Variants in SND1 observed in about 807,000 individuals in gnomAD.
SND1 encodes staphylococcal nuclease domain-containing protein 1.
Under a neutral mutation model 121.7 loss-of-function variants are expected in SND1, and 38 were observed. The observed-to-expected ratio is 0.31, with a 90% confidence interval of 0.24 to 0.41. The LOEUF (loss-of-function observed/expected upper bound fraction) is 0.41, where lower values mean the gene tolerates loss of function less well. Ranked by LOEUF, SND1 falls within the 10% of genes least tolerant of loss-of-function variation. The pLI, the probability that SND1 is intolerant of heterozygous loss-of-function variation, is 1.00. For synonymous variants in SND1, 401 were observed against 447.4 expected (o/e 0.90, Z 1.31); for missense variants, 868 against 1,184.6 (o/e 0.73, Z 3.92).
rs76100050 is a variant in SND1 at position 128,002,195 on chromosome 7, G to A, written c.1779+11139G>A. On this transcript the variant is annotated intron_variant, in intron 16 of 23. Coordinates refer to ENST00000354725, the MANE Select transcript of SND1 (RefSeq NM_014390.4). ...TGGCAGACATTGCCAGTCAGTCACC[G>A]CGCTGCTTTGGCTGAGGGCTCAGAT... 3.7e-4 allele frequency among the ~76,000 whole-genome samples: 57 copies of A among 152,314 alleles called. 1 individual carries two copies. The East Asian group carries it at 9.1e-3, about 24-fold the overall frequency.
At chr7:127,738,326 C>T (rs993734383) in intron 10 of SND1, among the ~76,000 whole-genome samples, 4 of 147,778 alleles carry the variant, frequency 2.7e-5, no homozygotes, top group African/African-American at 1.0e-4. Context: ...CTCTTGTTGC[C>T]CAGGCTGGAG....
intron 11 of SND1, among the ~76,000 whole-genome samples, chr7:127,824,248 A>G (rs1798604379): frequency 6.6e-6 from 1 of 152,260 alleles, no homozygotes. Flanking sequence ...TTTTATATAC[A>G]TCCACAGCAA....
chr7:127,687,428 T>C (rs950666757), intron 2 of SND1, among the ~76,000 whole-genome samples: 2 of 152,182 alleles, frequency 1.3e-5, no homozygotes, highest in African/African-American at 4.8e-5. Context: ...ATATTGAACA[T>C]TGTATCCAAT....
intron 16 of SND1, among the ~76,000 whole-genome samples, chr7:128,063,217 G>A (rs986016996): frequency 3.9e-5 from 6 of 152,298 alleles, no homozygotes; most frequent in African/African-American, 9.6e-5. Flanking sequence ...TGGTGGATGC[G>A]TGGGAGACCG....
At chr7:128,084,175 C>A (rs1793651447) in intron 18 of SND1, among the ~76,000 whole-genome samples, 1 of 152,240 alleles carries the variant, frequency 6.6e-6, no homozygotes, top group South Asian at 2.1e-4. Flanking sequence ...CCTCCCCCAC[C>A]TTCCATGGCT....
intron 15 of SND1, among the ~76,000 whole-genome samples, chr7:127,981,272 GA>G (rs1211346077): frequency 0.019 from 2,873 of 147,592 alleles, 102 homozygotes; most frequent in African/African-American, 0.06. Context: ...AGAAACCCAG[GA>G]AAAAAAAAAA....
At chr7:128,058,196 C>A (rs1265639114) in intron 16 of SND1, among the ~76,000 whole-genome samples, 1 of 152,256 alleles carries the variant, frequency 6.6e-6, no homozygotes, top group Non-Finnish European at 1.5e-5. Context: ...TCTTAGAGAA[C>A]AACAGAGCTC....
At chr7:127,842,438 A>G (rs914668804) in intron 11 of SND1, among the ~76,000 whole-genome samples, 2 of 152,128 alleles carry the variant, frequency 1.3e-5, no homozygotes, top group Non-Finnish European at 2.9e-5. Context: ...CCATTTATTT[A>G]GTGTATTCTA....
At chr7:127,993,583 C>T (rs529676498) in intron 16 of SND1, among the ~76,000 whole-genome samples, 9 of 152,356 alleles carry the variant, frequency 5.9e-5, no homozygotes, top group South Asian at 2.1e-4. Context: ...CTGGGATGGC[C>T]GCAGTTGAAC....
chr7:127,972,435 T>G (rs1000354010), intron 15 of SND1, among the ~76,000 whole-genome samples: 1 of 152,114 alleles, frequency 6.6e-6, no homozygotes, highest in Non-Finnish European at 1.5e-5. Context: ...ATTTTTATAT[T>G]TTTTATAGAG....
chr7:127,870,090 A>T (rs1799553287), intron 12 of SND1, among the ~76,000 whole-genome samples: 1 of 152,158 alleles, frequency 6.6e-6, no homozygotes, highest in South Asian at 2.1e-4. Flanking sequence ...CCATCACTAA[A>T]TACTACTTAC....
chr7:128,000,600 C>G (rs1036374886), intron 16 of SND1, among the ~76,000 whole-genome samples: 3 of 152,124 alleles, frequency 2.0e-5, no homozygotes, highest in African/African-American at 7.2e-5. Context: ...AAACTCTGGG[C>G]TCAAGAGATC....
chr7:127,798,750 T>G (rs534334608), intron 10 of SND1, among the ~76,000 whole-genome samples: 9 of 152,294 alleles, frequency 5.9e-5, no homozygotes, highest in South Asian at 2.1e-4. Flanking sequence ...GCTACTTATT[T>G]AAAAATTCAC....
At chr7:128,062,396 G>A (rs17151707) in intron 16 of SND1, among the ~76,000 whole-genome samples, 31,310 of 152,172 alleles carry the variant, frequency 0.21, 3,663 homozygotes, top group Middle Eastern at 0.29. Context: ...GAGGCGTGAG[G>A]ACAAAAGGAA....
At chr7:128,075,271 C>G (rs530627573) in intron 17 of SND1, among the ~76,000 whole-genome samples, 25 of 152,182 alleles carry the variant, frequency 1.6e-4, no homozygotes, top group East Asian at 5.8e-4. Flanking sequence ...AGGTGGGAGC[C>G]GGGCTCACCC....
intron 11 of SND1, among the ~76,000 whole-genome samples, chr7:127,808,932 A>G (rs1029724934): frequency 3.3e-5 from 5 of 152,254 alleles, no homozygotes; most frequent in African/African-American, 1.2e-4. Context: ...ATCTAAAATC[A>G]CATTGAAAGG....
At chr7:128,034,554 T>C (rs1397972389) in intron 16 of SND1, among the ~76,000 whole-genome samples, 1 of 152,208 alleles carries the variant, frequency 6.6e-6, no homozygotes, top group East Asian at 1.9e-4. Flanking sequence ...AAACCCTGTC[T>C]GTTCAGCTCC....
intron 20 of SND1, 91 bp from the exon 21 acceptor site, chr7:128,086,847 A>C: frequency 9.4e-7 from 1 of 1,062,936 alleles, no homozygotes; most frequent in Non-Finnish European, 1.5e-6. Context: ...CAGAGTTAGC[A>C]TTCCCAGAGG....
intron 10 of SND1, among the ~76,000 whole-genome samples, chr7:127,770,673 T>G (rs967148038): frequency 6.6e-6 from 1 of 152,186 alleles, no homozygotes; most frequent in African/African-American, 2.4e-5. Context: ...CTCTTTAAAT[T>G]TTCTCAGTTT....
Sources: gnomAD v4.1 joint callset for allele counts (sites outside exome capture counted in the v4.1 genomes callset) on GRCh38, gnomAD v4.1.1 for gene constraint, MANE v1.5 for transcripts, NCBI Gene and HGNC (gene_info 2026-07-23, HGNC 2026-07-21) for gene names.